FOXN3: variants seen among roughly 807,000 people sequenced by gnomAD.
FOXN3 encodes the protein forkhead box N3, also known as forkhead box protein N3.
FOXN3 carries 7 observed loss-of-function variants against 38.4 expected under a neutral mutation model. The observed-to-expected ratio is 0.18, with a 90% CI of 0.10 to 0.34. The LOEUF (loss-of-function observed/expected upper bound fraction) is 0.34. Ranked by LOEUF, FOXN3 falls within the 10% of genes least tolerant of loss-of-function variation. The probability of loss-of-function intolerance (pLI) is 1.00; values close to 1 mark genes in which losing one functional copy is unlikely to be tolerated. For missense variants in FOXN3, 456 were observed against 613.4 expected (o/e 0.74, Z 2.71); for synonymous variants, 230 against 242.2 (o/e 0.95, Z 0.47).
intron 1 of FOXN3, among the ~76,000 whole-genome samples, chr14:89,592,037 G>C (rs1895964921): frequency 6.6e-6 from 1 of 152,108 alleles, no homozygotes; most frequent in Non-Finnish European, 1.5e-5. Flanking sequence ...GAGAAGAGAA[G>C]GCATTGCTTA....
rs1369354149 is a variant in FOXN3 at position 89,603,121 on chromosome 14, GA to G, written c.-15+15906del. On this transcript the variant is annotated intron_variant, in intron 1 of 6. Coordinates refer to the FOXN3 transcript ENST00000345097. ...TACCAAGTTCTAGCTAATGGAAAGG[GA>G]AAAAAAAACAAATTGAGCCACATCT... Among the ~76,000 whole-genome samples, 42 of 147,892 alleles carry G rather than the reference GA, an allele frequency of 2.8e-4. No homozygotes were observed. The South Asian group carries it at 8.1e-3, about 29-fold the overall frequency.
intron 2 of FOXN3, among the ~76,000 whole-genome samples, chr14:89,384,323 A>AGAAAC (rs55674508): frequency 0.4 from 60,379 of 151,878 alleles, 13,973 homozygotes; most frequent in Admixed American, 0.55. Context: ...TTGCAGATAT[A>AGAAAC]GAAACTAAGC....
chr14:89,487,430 C>T (rs1450950466), intron 1 of FOXN3, among the ~76,000 whole-genome samples: 2 of 152,168 alleles, frequency 1.3e-5, no homozygotes, highest in South Asian at 2.1e-4. Context: ...TATTGACTGA[C>T]AGTTTGTTGG....
At chr14:89,347,335 G>A (rs1888791174) in intron 3 of FOXN3, among the ~76,000 whole-genome samples, 1 of 152,200 alleles carries the variant, frequency 6.6e-6, no homozygotes. Context: ...GAAGGTGAAG[G>A]CAGAAATCAG....
intron 1 of FOXN3, among the ~76,000 whole-genome samples, chr14:89,581,209 C>T (rs892969087): frequency 4.6e-5 from 7 of 151,436 alleles, no homozygotes; most frequent in Non-Finnish European, 8.8e-5. Context: ...AGGCTGGGTG[C>T]GGTGGCTCAC....
chr14:89,456,680 C>A (rs1241483358), intron 1 of FOXN3, among the ~76,000 whole-genome samples: 2 of 152,164 alleles, frequency 1.3e-5, no homozygotes, highest in Non-Finnish European at 2.9e-5. Context: ...CGCTTGAACC[C>A]AGGAAGCAGA....
rs910851358 is a variant in FOXN3 at position 89,181,029 on chromosome 14, CAT to C, written c.746-225_746-224del. Among the ~76,000 whole-genome samples the C allele has an allele frequency of 5.9e-5, 9 of 151,460 alleles. No individual in the cohort carries two copies. In the East Asian group the frequency reaches 7.8e-4, roughly 13 times the overall value. On this transcript the variant is annotated intron_variant, in intron 4 of 5. Coordinates refer to ENST00000557258, the MANE Select transcript of FOXN3 (RefSeq NM_005197.4). Reference sequence around the variant, plus strand: ...AGTCATGCACGCGCACACACACACACATGCAGACACGTACGTACACCTGCACA... The same window carrying C: ...AGTCATGCACGCGCACACACACACACGCAGACACGTACGTACACCTGCACA...
intron 1 of FOXN3, among the ~76,000 whole-genome samples, chr14:89,595,856 C>G (rs940584219): frequency 1.3e-5 from 2 of 152,144 alleles, no homozygotes; most frequent in Non-Finnish European, 2.9e-5. Context: ...ATATATGCTT[C>G]TTACAGTAAG....
At chr14:89,328,835 CA>C (rs1888155181) in intron 3 of FOXN3, among the ~76,000 whole-genome samples, 1 of 152,126 alleles carries the variant, frequency 6.6e-6, no homozygotes, top group African/African-American at 2.4e-5. Flanking sequence ...CAGGTGATAA[CA>C]AGATAAAGAG....
intron 1 of FOXN3, among the ~76,000 whole-genome samples, chr14:89,519,607 G>T (rs895528548): frequency 6.6e-6 from 1 of 152,166 alleles, no homozygotes; most frequent in Non-Finnish European, 1.5e-5. Flanking sequence ...ACAAAAGCCT[G>T]TCCTAAGATG....
chr14:89,203,375 C>T (rs897333761), intron 4 of FOXN3, among the ~76,000 whole-genome samples: 2 of 152,192 alleles, frequency 1.3e-5, no homozygotes, highest in Non-Finnish European at 2.9e-5. Flanking sequence ...AAGTCTAGGG[C>T]GTTCTTCAGA....
intron 1 of FOXN3, among the ~76,000 whole-genome samples, chr14:89,455,864 T>C (rs1892710983): frequency 6.6e-6 from 1 of 152,100 alleles, no homozygotes; most frequent in Non-Finnish European, 1.5e-5. Flanking sequence ...TAAGCTTCCT[T>C]AAAGGATCCG....
At chr14:89,368,676 A>C (rs1890226295) in intron 2 of FOXN3, among the ~76,000 whole-genome samples, 1 of 152,156 alleles carries the variant, frequency 6.6e-6, no homozygotes, top group African/African-American at 2.4e-5. Flanking sequence ...CCTGAACCCC[A>C]GTCACTAAGG....
At chr14:89,270,666 G>A (rs950148994) in intron 4 of FOXN3, among the ~76,000 whole-genome samples, 2 of 152,184 alleles carry the variant, frequency 1.3e-5, no homozygotes, top group Non-Finnish European at 2.9e-5. Flanking sequence ...CCTCTGGAGT[G>A]AAGTGTGGCA....
chr14:89,494,540 T>G (rs1199037875), intron 1 of FOXN3, among the ~76,000 whole-genome samples: 2 of 152,206 alleles, frequency 1.3e-5, no homozygotes, highest in African/African-American at 4.8e-5. Context: ...TTGTCTTTCT[T>G]TTAAAATGGT....
chr14:89,189,718 G>A (rs540981974), intron 4 of FOXN3, among the ~76,000 whole-genome samples: 1 of 152,310 alleles, frequency 6.6e-6, no homozygotes, highest in East Asian at 1.9e-4. Flanking sequence ...AAAACCTCAG[G>A]TGGTGAGAAG....
chr14:89,222,784 C>T (rs1252681568), intron 4 of FOXN3, among the ~76,000 whole-genome samples: 1 of 152,154 alleles, frequency 6.6e-6, no homozygotes, highest in Non-Finnish European at 1.5e-5. Context: ...CTCTTCTCTC[C>T]TACCTCCCTC....
intron 2 of FOXN3, among the ~76,000 whole-genome samples, chr14:89,356,788 C>T (rs1596211204): frequency 1.3e-5 from 2 of 152,060 alleles, no homozygotes; most frequent in South Asian, 2.1e-4. Flanking sequence ...AAAAGGAGAC[C>T]GACCTCCTGA....
At chr14:89,398,706 T>C (rs1477279992) in intron 2 of FOXN3, among the ~76,000 whole-genome samples, 1 of 152,128 alleles carries the variant, frequency 6.6e-6, no homozygotes, top group East Asian at 1.9e-4. Flanking sequence ...AGTACTGGGC[T>C]GGGCACGGTG....
Sources: gnomAD v4.1 joint callset for allele counts (sites outside exome capture counted in the v4.1 genomes callset) on GRCh38, gnomAD v4.1.1 for gene constraint, MANE v1.5 for transcripts, NCBI Gene and HGNC (gene_info 2026-07-23, HGNC 2026-07-21) for gene names.